The following NME7 variants were observed in gnomAD, a reference collection of about 807,000 sequenced individuals.
NME7 encodes NME/NM23 family member 7.
A neutral mutation model predicts 49.1 loss-of-function variants in NME7; 41 were observed. The observed-to-expected ratio is 0.83, with a 90% confidence interval of 0.65 to 1.08. The LOEUF (loss-of-function observed/expected upper bound fraction) is 1.08, where lower values mean the gene tolerates loss of function less well. NME7 is among the 50% of genes least tolerant of loss of function. The probability of loss-of-function intolerance (pLI) is 0.00; values close to 1 mark genes in which losing one functional copy is unlikely to be tolerated. For missense variants in NME7, 423 were observed against 463.4 expected (o/e 0.91, Z 0.80); for synonymous variants, 139 against 150.6 (o/e 0.92, Z 0.56).
chr1:169,156,764 G>C (rs189858707), intron 11 of NME7, among the ~76,000 whole-genome samples: 3 of 152,128 alleles, frequency 2.0e-5, no homozygotes, highest in African/African-American at 7.2e-5. Flanking sequence ...ACTATGACGG[G>C]ATATAGGAGG....
chr1:169,342,470 T>C (rs1652748021), intron 1 of NME7, among the ~76,000 whole-genome samples: 1 of 143,532 alleles, frequency 7.0e-6, no homozygotes, highest in Non-Finnish European at 1.5e-5. Flanking sequence ...CAAGTACATA[T>C]ATATACTTGT....
intron 1 of NME7, among the ~76,000 whole-genome samples, chr1:169,347,344 G>A (rs73036820): frequency 0.025 from 3,868 of 152,292 alleles, 138 homozygotes; most frequent in African/African-American, 0.086. Context: ...AAAACGGGAT[G>A]AGGAAAAGCC....
At chr1:169,364,705 C>T (rs980059893) in intron 1 of NME7, among the ~76,000 whole-genome samples, 1 of 152,206 alleles carries the variant, frequency 6.6e-6, no homozygotes, top group Non-Finnish European at 1.5e-5. Context: ...ACTGCCCTTG[C>T]TCATACCTGG....
intron 7 of NME7, among the ~76,000 whole-genome samples, chr1:169,261,634 T>C (rs1422443568): frequency 7.5e-6 from 1 of 133,420 alleles, no homozygotes; most frequent in African/African-American, 2.5e-5. Context: ...TCTTCAATCA[T>C]GTATCAACTT....
intron 10 of NME7, among the ~76,000 whole-genome samples, chr1:169,193,355 G>A (rs116098227): frequency 0.015 from 2,216 of 152,072 alleles, 57 homozygotes; most frequent in African/African-American, 0.049. Context: ...TAAATAAAAC[G>A]CCTTAGTAAT....
intron 1 of NME7, among the ~76,000 whole-genome samples, chr1:169,359,884 A>G (rs981412441): frequency 2.0e-5 from 3 of 152,196 alleles, no homozygotes; most frequent in Non-Finnish European, 2.9e-5. Flanking sequence ...CAAAGTGTCC[A>G]GTATCAGAAA....
chr1:169,251,602 C>A (rs113064799), intron 7 of NME7, among the ~76,000 whole-genome samples: 116 of 139,846 alleles, frequency 8.3e-4, no homozygotes, highest in African/African-American at 3.0e-3. Context: ...GGTACATGTG[C>A]ACATTGTGCA....
intron 11 of NME7, among the ~76,000 whole-genome samples, chr1:169,148,734 G>A (rs1298588070): frequency 6.6e-6 from 1 of 152,198 alleles, no homozygotes; most frequent in Admixed American, 6.5e-5. Context: ...TTTCTCCTCA[G>A]TCTTCCAGAG....
At chr1:169,234,739 G>A (rs1220756010) in intron 9 of NME7, among the ~76,000 whole-genome samples, 1 of 152,090 alleles carries the variant, frequency 6.6e-6, no homozygotes, top group African/African-American at 2.4e-5. Flanking sequence ...GAAAAAAGAA[G>A]AGAACTGAAT....
chr1:169,290,316 A>G (rs1269728293), intron 6 of NME7, among the ~76,000 whole-genome samples: 2 of 152,010 alleles, frequency 1.3e-5, no homozygotes, highest in Non-Finnish European at 2.9e-5. Flanking sequence ...AAATTAAAAC[A>G]GTATAGATCA....
chr1:169,353,820 T>A (rs1653278065), intron 1 of NME7, among the ~76,000 whole-genome samples: 1 of 152,028 alleles, frequency 6.6e-6, no homozygotes, highest in Non-Finnish European at 1.5e-5. Flanking sequence ...TCATTGATCA[T>A]GAGAAAAATG....
At chr1:169,345,113 G>T (rs1652908667) in intron 1 of NME7, among the ~76,000 whole-genome samples, 1 of 151,926 alleles carries the variant, frequency 6.6e-6, no homozygotes, top group South Asian at 2.1e-4. Context: ...TAATTTAATG[G>T]GATAAAGTTG....
At chr1:169,285,482 T>A (rs1411290409) in intron 7 of NME7, 1 of 152,190 alleles carries the variant, frequency 6.6e-6, no homozygotes, top group Admixed American at 6.5e-5. Flanking sequence ...TTACTAATCA[T>A]GTGCCATGTG....
At chr1:169,293,139 A>T (rs535825398) in intron 6 of NME7, among the ~76,000 whole-genome samples, 3 of 133,200 alleles carry the variant, frequency 2.3e-5, no homozygotes, top group South Asian at 5.7e-4. Flanking sequence ...TAGAAAAAAT[A>T]AAAAAAAATA....
At chr1:169,193,908 A>C (rs201421618) in intron 10 of NME7, among the ~76,000 whole-genome samples, 1 of 148,416 alleles carries the variant, frequency 6.7e-6, no homozygotes, top group Non-Finnish European at 1.5e-5. Flanking sequence ...GTTAAAAAAA[A>C]AGAAAAATAG....
chr1:169,188,554 A>G (rs1012565065), intron 10 of NME7, among the ~76,000 whole-genome samples: 6 of 152,194 alleles, frequency 3.9e-5, no homozygotes, highest in Admixed American at 2.0e-4. Flanking sequence ...CTAAGAGGTG[A>G]AGCACACTGC....
intron 3 of NME7, chr1:169,322,328 C>T (rs536742905): frequency 6.6e-6 from 1 of 152,228 alleles, no homozygotes; most frequent in African/African-American, 2.4e-5. Context: ...GTGGAGGCAC[C>T]ATGTCACAGT....
intron 6 of NME7, among the ~76,000 whole-genome samples, chr1:169,293,243 C>G (rs12735250): frequency 0.07 from 10,543 of 149,708 alleles, 1,466 homozygotes; most frequent in East Asian, 0.67. Context: ...TTATAGAGAA[C>G]TATTATCACA....
chr1:169,175,851 T>G lies in NME7; in HGVS notation c.991-6297A>C, dbSNP rs182757607. On this transcript the variant is annotated intron_variant, in intron 10 of 11. Transcript: ENST00000367811. ...AGTCCTAGTAACCCTAAAACAGCTG[T>G]GAAACAATGTTACAATCATTGTCCT... Among the ~76,000 whole-genome samples, 291 of 152,174 alleles carry G rather than the reference T, an allele frequency of 1.9e-3. 3 individuals carry two copies. Among genetic ancestry groups the G allele is most frequent in the African/African-American group, 6.9e-3 (285 of 41,492 alleles).
Sources: gnomAD v4.1 joint callset for allele counts (sites outside exome capture counted in the v4.1 genomes callset) on GRCh38, gnomAD v4.1.1 for gene constraint, MANE v1.5 for transcripts, NCBI Gene and HGNC (gene_info 2026-07-23, HGNC 2026-07-21) for gene names.